Variants in CCP110 observed in about 807,000 individuals in gnomAD.
CCP110 encodes the protein centriolar coiled-coil protein 110, also known as centriolar coiled-coil protein of 110 kDa.
A neutral mutation model predicts 105.5 loss-of-function variants in CCP110; 43 were observed. That is an observed-to-expected ratio of 0.41 (90% CI 0.32 to 0.53). CCP110 has a LOEUF of 0.53. CCP110 is among the 20% of genes least tolerant of loss of function. The pLI, the probability that CCP110 is intolerant of heterozygous loss-of-function variation, is 0.32. For missense variants in CCP110, 1,016 were observed against 1,189.1 expected (o/e 0.85, Z 2.14); for synonymous variants, 353 against 392.1 (o/e 0.90, Z 1.18).
chr16:19,530,542 A>G (rs1969828589), intron 2 of CCP110, among the ~76,000 whole-genome samples: 1 of 151,842 alleles, frequency 6.6e-6, no homozygotes, highest in African/African-American at 2.4e-5. Flanking sequence ...GCTATGTGGG[A>G]GGCTGAGGCA....
chr16:19,538,091 C>T (rs909528198), intron 4 of CCP110, among the ~76,000 whole-genome samples: 2 of 151,746 alleles, frequency 1.3e-5, no homozygotes, highest in African/African-American at 4.8e-5. Context: ...GACAGTCTGG[C>T]ACTGTTGCCC....
chr16:19,528,663 A>G (rs1038175847), intron 2 of CCP110, among the ~76,000 whole-genome samples: 3 of 152,140 alleles, frequency 2.0e-5, no homozygotes, highest in Non-Finnish European at 4.4e-5. Context: ...GAGAGACCGG[A>G]AGGAAGAGGA....
chr16:19,535,328 T>A (rs1193255679), intron 3 of CCP110, among the ~76,000 whole-genome samples: 1 of 149,732 alleles, frequency 6.7e-6, no homozygotes, highest in Non-Finnish European at 1.5e-5. Flanking sequence ...AAAATATCTA[T>A]TTTTACATTC....
intron 1 of CCP110, 154 bp from the exon 2 acceptor site, chr16:19,527,713 C>G: frequency 2.3e-6 from 1 of 441,618 alleles, no homozygotes; most frequent in Non-Finnish European, 3.9e-6. Context: ...ATTACCATAC[C>G]CAAGAATTAG....
At chr16:19,531,777 C>A (rs1006322481) in intron 2 of CCP110, among the ~76,000 whole-genome samples, 4 of 152,062 alleles carry the variant, frequency 2.6e-5, no homozygotes, top group Non-Finnish European at 5.9e-5. Context: ...ACCAGCCTGA[C>A]CAACATGGTG....
intron 1 of CCP110, among the ~76,000 whole-genome samples, chr16:19,527,426 G>T (rs1396673048): frequency 3.3e-5 from 5 of 151,202 alleles, no homozygotes; most frequent in Non-Finnish European, 5.9e-5. Flanking sequence ...ATTTTTAAAA[G>T]TAAATATTCT....
At chr16:19,546,448 G>A in exon 12 of CCP110, 2 of 1,589,462 alleles carry the variant, frequency 1.3e-6, no homozygotes, top group Non-Finnish European at 1.7e-6. Flanking sequence ...AGAAATTTCT[G>A]GTTAAACAAA....
chr16:19,537,474 A>T, exon 4 of CCP110: 1 of 1,612,096 alleles, frequency 6.2e-7, no homozygotes, highest in Admixed American at 1.7e-5. Flanking sequence ...AACTGCCCTT[A>T]TGTCATAACA....
chr16:19,543,479 TAGGAAA>T (rs1970358158), intron 8 of CCP110, among the ~76,000 whole-genome samples: 1 of 152,152 alleles, frequency 6.6e-6, no homozygotes. Context: ...GTTTGAACAA[TAGGAAA>T]TCAGTGCAAC....
intron 12 of CCP110, chr16:19,546,700 A>G: frequency 3.0e-6 from 1 of 335,162 alleles, no homozygotes; most frequent in Non-Finnish European, 5.5e-6. Flanking sequence ...CTGTAATCCC[A>G]GCTACTCAAG....
At chr16:19,543,792 C>T (rs1970369443) in intron 8 of CCP110, among the ~76,000 whole-genome samples, 1 of 152,108 alleles carries the variant, frequency 6.6e-6, no homozygotes, top group Non-Finnish European at 1.5e-5. Context: ...CTGCAGTACC[C>T]TCAGGCTTAC....
intron 8 of CCP110, among the ~76,000 whole-genome samples, chr16:19,543,625 G>A (rs1970364155): frequency 6.6e-6 from 1 of 152,182 alleles, no homozygotes; most frequent in Admixed American, 6.5e-5. Context: ...GGACGTGCAA[G>A]TAGGGAAGAT....
intron 10 of CCP110, among the ~76,000 whole-genome samples, 199 bp from the exon 11 acceptor site, chr16:19,545,618 A>G (rs749748907): frequency 6.6e-6 from 1 of 152,216 alleles, no homozygotes; most frequent in African/African-American, 2.4e-5. Flanking sequence ...GCAAAGGAAA[A>G]GCAAGCAAAA....
Position 19,532,446 on chromosome 16 carries a change from C to T in CCP110, c.172C>T (p.Gln58Ter). 6.2e-7 allele frequency: 1 copy of T among 1,602,502 alleles called. No individual in the cohort carries two copies. Among genetic ancestry groups the T allele is most frequent in the Non-Finnish European group, 8.5e-7 (1 of 1,176,526 alleles). The change falls in exon 3 of 15, where the codon CAA (glutamine) becomes TAA (stop). Residue 58 changes from glutamine (Q) to a stop codon, truncating the protein, a stop_gained. Coordinates refer to ENST00000381396, the Ensembl canonical transcript of CCP110. LOFTEE classifies it high-confidence loss of function. ...CATTGAGAAAAGAAAGGAAATGCAACAAGAAAAGCAGAAAGCACTTGATGT... is the reference window on the plus strand; with the variant it reads ...CATTGAGAAAAGAAAGGAAATGCAATAAGAAAAGCAGAAAGCACTTGATGT...
chr16:19,550,234 C>T (rs748300486), intron 14 of CCP110, among the ~76,000 whole-genome samples: 2 of 151,516 alleles, frequency 1.3e-5, no homozygotes, highest in African/African-American at 4.9e-5. Flanking sequence ...TCACTGCAAT[C>T]TCCACCTCCT....
At chr16:19,541,402 G>A (rs7194853) in intron 5 of CCP110, among the ~76,000 whole-genome samples, 2,163 of 152,298 alleles carry the variant, frequency 0.014, 55 homozygotes, top group African/African-American at 0.048. Context: ...GGAGGCCGAG[G>A]TGGATGGATC....
chr16:19,536,826 G>A (rs777446045), exon 4 of CCP110: 5 of 1,614,082 alleles, frequency 3.1e-6, no homozygotes, highest in Non-Finnish European at 3.4e-6. Context: ...TCATCAGCGT[G>A]TCATATACTT....
exon 4 of CCP110, chr16:19,536,725 T>C: frequency 6.2e-7 from 1 of 1,614,182 alleles, no homozygotes; most frequent in Non-Finnish European, 8.5e-7. Flanking sequence ...CCGAAAATAA[T>C]GTTATCAAAA....
chr16:19,528,055 C>G, intron 2 of CCP110, 33 bp downstream of exon 2: 1 of 1,568,350 alleles, frequency 6.4e-7, no homozygotes, highest in Non-Finnish European at 8.7e-7. Flanking sequence ...TAGTTTTTTT[C>G]TGTAGTGAAC....
Sources: gnomAD v4.1 joint callset for allele counts (sites outside exome capture counted in the v4.1 genomes callset) on GRCh38, gnomAD v4.1.1 for gene constraint, MANE v1.5 for transcripts, NCBI Gene and HGNC (gene_info 2026-07-23, HGNC 2026-07-21) for gene names.